FNDC3A: variants seen among roughly 807,000 people sequenced by gnomAD.
FNDC3A encodes fibronectin type III domain containing 3A.
In FNDC3A, 32 loss-of-function variants were observed where a neutral mutation model predicts 148.9. The ratio of observed to expected loss-of-function variants is 0.21; its 90% CI spans 0.16 to 0.29. The LOEUF (loss-of-function observed/expected upper bound fraction) is 0.29, where lower values mean the gene tolerates loss of function less well. Ranked by LOEUF, FNDC3A falls within the 10% of genes least tolerant of loss-of-function variation. FNDC3A has a pLI of 1.00. For missense variants in FNDC3A, 1,191 were observed against 1,452.8 expected (o/e 0.82, Z 2.93); for synonymous variants, 472 against 473.6 (o/e 1.00, Z 0.04).
At chr13:49,186,893 TG>T (rs1566315117) in intron 15 of FNDC3A, among the ~76,000 whole-genome samples, 1 of 151,944 alleles carries the variant, frequency 6.6e-6, no homozygotes, top group South Asian at 2.1e-4. Flanking sequence ...AATAAGTAAA[TG>T]GAATATCATG....
chr13:49,115,762 G>C (rs766404067), intron 4 of FNDC3A, among the ~76,000 whole-genome samples: 1 of 152,068 alleles, frequency 6.6e-6, no homozygotes, highest in Admixed American at 6.5e-5. Flanking sequence ...CTCTACTTTT[G>C]TTTAGCACAC....
intron 11 of FNDC3A, among the ~76,000 whole-genome samples, chr13:49,172,331 G>A (rs774434236): frequency 4.6e-5 from 7 of 152,092 alleles, no homozygotes; most frequent in Non-Finnish European, 7.4e-5. Context: ...CTTGATAAAG[G>A]AACTTTTTTT....
chr13:49,110,369 T>C, intron 3 of FNDC3A: 1 of 1,613,060 alleles, frequency 6.2e-7, no homozygotes, highest in African/African-American at 1.3e-5. Context: ...TGTTGGATTT[T>C]CTTGTTCTCT....
chr13:49,022,610 A>T (rs1269917102), intron 2 of FNDC3A, among the ~76,000 whole-genome samples: 1 of 152,146 alleles, frequency 6.6e-6, no homozygotes, highest in Non-Finnish European at 1.5e-5. Flanking sequence ...TACTTTTGTG[A>T]CAATAATTTT....
chr13:49,055,981 G>GTTCGAGCCCAGAAT (rs1876208929), intron 2 of FNDC3A, among the ~76,000 whole-genome samples: 1 of 151,950 alleles, frequency 6.6e-6, no homozygotes, highest in African/African-American at 2.4e-5. Context: ...GAGCCCAGAA[G>GTTCGAGCCCAGAAT]TTCAAGACCA....
At chr13:49,128,277 CA>C (rs1881823923) in intron 4 of FNDC3A, among the ~76,000 whole-genome samples, 1 of 152,186 alleles carries the variant, frequency 6.6e-6, no homozygotes, top group Non-Finnish European at 1.5e-5. Context: ...TAGATTACTA[CA>C]GTAGCTTTCT....
chr13:49,081,867 AT>A (rs1417612743), intron 3 of FNDC3A, among the ~76,000 whole-genome samples: 2 of 152,196 alleles, frequency 1.3e-5, no homozygotes, highest in Admixed American at 1.3e-4. Context: ...ATGAAATAAA[AT>A]TTGATCATCA....
intron 8 of FNDC3A, among the ~76,000 whole-genome samples, chr13:49,149,653 C>T (rs569201706): frequency 1.3e-5 from 2 of 152,140 alleles, no homozygotes; most frequent in East Asian, 3.9e-4. Context: ...CTGTACTTTT[C>T]TTTTTTTGTT....
intron 5 of FNDC3A, among the ~76,000 whole-genome samples, chr13:49,132,954 T>G (rs1882121017): frequency 6.6e-6 from 1 of 152,224 alleles, no homozygotes; most frequent in South Asian, 2.1e-4. Flanking sequence ...GAATCTATTT[T>G]AATCACTATT....
At chr13:49,037,145 T>G (rs1389460116) in intron 2 of FNDC3A, among the ~76,000 whole-genome samples, 1 of 152,164 alleles carries the variant, frequency 6.6e-6, no homozygotes, top group Non-Finnish European at 1.5e-5. Context: ...GTCCTTAAAT[T>G]GAAAGATCTA....
At chr13:49,144,258 G>A (rs1882867339) in intron 7 of FNDC3A, among the ~76,000 whole-genome samples, 1 of 151,856 alleles carries the variant, frequency 6.6e-6, no homozygotes, top group Non-Finnish European at 1.5e-5. Context: ...ATCATACAAA[G>A]AATCATTTTT....
intron 14 of FNDC3A, among the ~76,000 whole-genome samples, chr13:49,182,453 G>A (rs1885354090): frequency 6.6e-6 from 1 of 151,850 alleles, no homozygotes; most frequent in Non-Finnish European, 1.5e-5. Flanking sequence ...AGAGCCGAGT[G>A]GCCAGTCCTA....
chr13:49,170,420 A>G (rs931500927), intron 10 of FNDC3A, among the ~76,000 whole-genome samples: 2 of 152,156 alleles, frequency 1.3e-5, no homozygotes, highest in African/African-American at 2.4e-5. Context: ...AAGCATTCCT[A>G]TGGTGGTTAA....
intron 2 of FNDC3A, 67 bp downstream of exon 2, chr13:49,006,356 G>C: frequency 3.9e-6 from 3 of 770,136 alleles, no homozygotes; most frequent in Non-Finnish European, 6.4e-6. Flanking sequence ...ATTTAAAACA[G>C]ATCACAATAG....
At chr13:49,137,413 C>T (rs1882436616) in intron 6 of FNDC3A, among the ~76,000 whole-genome samples, 2 of 152,190 alleles carry the variant, frequency 1.3e-5, no homozygotes, top group Admixed American at 1.3e-4. Context: ...GGCGCAATGT[C>T]AGCTCACTGC....
intron 3 of FNDC3A, among the ~76,000 whole-genome samples, chr13:49,088,810 C>T (rs1878990808): frequency 6.6e-6 from 1 of 152,102 alleles, no homozygotes; most frequent in East Asian, 1.9e-4. Context: ...AGTGATTCTC[C>T]TGCCTTGGCC....
chr13:49,112,838 T>C (rs1182248233), intron 3 of FNDC3A, among the ~76,000 whole-genome samples: 1 of 152,164 alleles, frequency 6.6e-6, no homozygotes, highest in Non-Finnish European at 1.5e-5. Flanking sequence ...AGTAAGTTAG[T>C]ATTAGCTATA....
At chr13:49,085,922 G>A (rs1240425951) in intron 3 of FNDC3A, among the ~76,000 whole-genome samples, 1 of 141,770 alleles carries the variant, frequency 7.1e-6, no homozygotes, top group African/African-American at 2.7e-5. Context: ...TTACTGTCTT[G>A]CCCAGGCTGG....
At chr13:49,060,273 C>A (rs998358566) in intron 2 of FNDC3A, among the ~76,000 whole-genome samples, 1 of 152,116 alleles carries the variant, frequency 6.6e-6, no homozygotes, top group Non-Finnish European at 1.5e-5. Flanking sequence ...GTGGAAATAG[C>A]CTAAATGTCT....
Sources: gnomAD v4.1 joint callset for allele counts (sites outside exome capture counted in the v4.1 genomes callset) on GRCh38, gnomAD v4.1.1 for gene constraint, MANE v1.5 for transcripts, NCBI Gene and HGNC (gene_info 2026-07-23, HGNC 2026-07-21) for gene names.